TRAF5: variants seen among roughly 807,000 people sequenced by gnomAD.
The protein encoded by TRAF5 is TNF receptor-associated factor 5.
A neutral mutation model predicts 64.5 loss-of-function variants in TRAF5; 48 were observed. The ratio of observed to expected loss-of-function variants is 0.74; its 90% CI spans 0.59 to 0.95. The LOEUF (loss-of-function observed/expected upper bound fraction) is 0.95. Among genes scored for constraint, TRAF5 ranks in the 40% least tolerant of loss-of-function variants. The probability of loss-of-function intolerance (pLI) is 0.00; values close to 1 mark genes in which losing one functional copy is unlikely to be tolerated. For missense variants in TRAF5, 545 were observed against 662.8 expected (o/e 0.82, Z 1.95); for synonymous variants, 206 against 240.5 (o/e 0.86, Z 1.33).
chr1:211,328,242 C>G (rs1702070324), intron 1 of TRAF5, among the ~76,000 whole-genome samples: 1 of 148,552 alleles, frequency 6.7e-6, no homozygotes, highest in South Asian at 2.1e-4. Context: ...ACTAGAAAGA[C>G]AGAAATTGCT....
chr1:211,343,820 G>C (rs781649662), intron 1 of TRAF5, among the ~76,000 whole-genome samples: 1 of 152,112 alleles, frequency 6.6e-6, no homozygotes, highest in Non-Finnish European at 1.5e-5. Flanking sequence ...TGAGTCATCT[G>C]AGTTATTGGG....
chr1:211,332,434 G>A (rs1368858782), intron 1 of TRAF5, among the ~76,000 whole-genome samples: 4 of 152,142 alleles, frequency 2.6e-5, no homozygotes, highest in African/African-American at 9.7e-5. Context: ...TGTGTTCTAA[G>A]GCTTCTGTTA....
intron 1 of TRAF5, among the ~76,000 whole-genome samples, chr1:211,341,695 G>A (rs1008861839): frequency 1.3e-5 from 2 of 152,194 alleles, no homozygotes; most frequent in Admixed American, 1.3e-4. Flanking sequence ...ATGGGGCATT[G>A]CCGGGCTGAG....
chr1:211,356,057 C>T (rs530976998), intron 3 of TRAF5, among the ~76,000 whole-genome samples: 3 of 152,324 alleles, frequency 2.0e-5, no homozygotes, highest in African/African-American at 7.2e-5. Context: ...CTGAAAGCAT[C>T]ACCCTTGGCC....
chr1:211,342,554 G>A (rs1262505098), intron 1 of TRAF5, among the ~76,000 whole-genome samples: 2 of 151,974 alleles, frequency 1.3e-5, no homozygotes, highest in South Asian at 2.1e-4. Flanking sequence ...TAGTCACCCT[G>A]TTATCAAATA....
At chr1:211,369,886 G>C (rs879780820) in intron 9 of TRAF5, among the ~76,000 whole-genome samples, 4 of 152,074 alleles carry the variant, frequency 2.6e-5, no homozygotes, top group Non-Finnish European at 5.9e-5. Flanking sequence ...TTGCGAGTAC[G>C]CTGCGTATAT....
At chr1:211,352,361 C>T (rs1702810836) in intron 1 of TRAF5, among the ~76,000 whole-genome samples, 1 of 151,322 alleles carries the variant, frequency 6.6e-6, no homozygotes, top group African/African-American at 2.4e-5. Context: ...TATATTACCT[C>T]CCACTGGGTC....
chr1:211,332,826 T>C (rs1347397264), intron 1 of TRAF5, among the ~76,000 whole-genome samples: 1 of 152,212 alleles, frequency 6.6e-6, no homozygotes. Context: ...AAGTAGATTA[T>C]TTGGGAGCAG....
intron 7 of TRAF5, among the ~76,000 whole-genome samples, chr1:211,362,713 C>A (rs1703225488): frequency 6.6e-6 from 1 of 152,034 alleles, no homozygotes; most frequent in Admixed American, 6.6e-5. Flanking sequence ...CCAACAACAA[C>A]AAAAGCCCTT....
intron 6 of TRAF5, 145 bp downstream of exon 6, chr1:211,360,924 T>C: frequency 6.9e-6 from 7 of 1,008,376 alleles, no homozygotes; most frequent in Non-Finnish European, 1.0e-5. Context: ...TTCCCTTCTC[T>C]TTTTCCTGCG....
At chr1:211,371,901 T>G (rs1028173366) in intron 10 of TRAF5, among the ~76,000 whole-genome samples, 1 of 152,232 alleles carries the variant, frequency 6.6e-6, no homozygotes, top group Non-Finnish European at 1.5e-5. Context: ...GTGTCTTCTC[T>G]ACACTTCAGT....
chr1:211,337,755 G>C (rs952903677), intron 1 of TRAF5, among the ~76,000 whole-genome samples: 1 of 152,130 alleles, frequency 6.6e-6, no homozygotes, highest in African/African-American at 2.4e-5. Flanking sequence ...GAGTAAGAGA[G>C]GAGCCAAGGA....
At chr1:211,336,936 GGC>G (rs1702312176) in intron 1 of TRAF5, among the ~76,000 whole-genome samples, 2 of 152,128 alleles carry the variant, frequency 1.3e-5, no homozygotes, top group South Asian at 2.1e-4. Context: ...CGGGATTAAA[GGC>G]GTGAGCCGCT....
At chr1:211,360,281 ATAT>A in intron 5 of TRAF5, 1 of 574,952 alleles carries the variant, frequency 1.7e-6, no homozygotes, top group Non-Finnish European at 3.1e-6. Context: ...ATTGGCAAAA[ATAT>A]TATTTGAACA....
intron 9 of TRAF5, among the ~76,000 whole-genome samples, chr1:211,370,405 A>G (rs1338636436): frequency 6.6e-6 from 1 of 151,726 alleles, no homozygotes; most frequent in Non-Finnish European, 1.5e-5. Flanking sequence ...ACACACACAC[A>G]CACACACCCT....
intron 1 of TRAF5, among the ~76,000 whole-genome samples, chr1:211,334,098 G>C (rs1265775911): frequency 6.6e-6 from 1 of 152,168 alleles, no homozygotes; most frequent in Non-Finnish European, 1.5e-5. Flanking sequence ...AAGGGAAAAG[G>C]CTTATGGGGC....
intron 1 of TRAF5, among the ~76,000 whole-genome samples, chr1:211,343,922 C>T (rs1217329265): frequency 6.6e-6 from 1 of 151,600 alleles, no homozygotes; most frequent in African/African-American, 2.4e-5. Flanking sequence ...ATGGGGGCTT[C>T]CTAGTGGAGA....
At chr1:211,360,844 T>C in intron 6 of TRAF5, 65 bp downstream of exon 6, 2 of 1,468,402 alleles carry the variant, frequency 1.4e-6, no homozygotes, top group South Asian at 1.1e-5. Flanking sequence ...CATTGTGGTC[T>C]GTGTTTGATA....
chr1:211,338,233 CTAT>C (rs958176237), intron 1 of TRAF5, among the ~76,000 whole-genome samples: 1 of 152,334 alleles, frequency 6.6e-6, no homozygotes, highest in Middle Eastern at 3.4e-3. Context: ...GAAGGCTAAA[CTAT>C]TATAACAAAT....
Sources: gnomAD v4.1 joint callset for allele counts (sites outside exome capture counted in the v4.1 genomes callset) on GRCh38, gnomAD v4.1.1 for gene constraint, MANE v1.5 for transcripts, NCBI Gene and HGNC (gene_info 2026-07-23, HGNC 2026-07-21) for gene names.